ZNF280D: variants seen among roughly 807,000 people sequenced by gnomAD.
ZNF280D encodes suppressor of hairy wing homolog 4.
ZNF280D carries 39 observed loss-of-function variants against 94.7 expected under a neutral mutation model. The ratio of observed to expected loss-of-function variants is 0.41; its 90% CI spans 0.32 to 0.54. The LOEUF (loss-of-function observed/expected upper bound fraction) is 0.54. Ranked by LOEUF, ZNF280D falls within the 20% of genes least tolerant of loss-of-function variation. The pLI, the probability that ZNF280D is intolerant of heterozygous loss-of-function variation, is 0.22. For missense variants in ZNF280D, 1,090 were observed against 1,149.3 expected, an observed-to-expected ratio of 0.95 and a Z score of 0.75; for synonymous variants, 398 against 377.6, an observed-to-expected ratio of 1.05 and a Z score of -0.63.
At chr15:56,647,702 A>G (rs2052973762) in intron 19 of ZNF280D, among the ~76,000 whole-genome samples, 1 of 151,870 alleles carries the variant, frequency 6.6e-6, no homozygotes, top group African/African-American at 2.4e-5. Flanking sequence ...GCTAATTTTT[A>G]TACTTTTTTG....
intron 20 of ZNF280D, among the ~76,000 whole-genome samples, chr15:56,638,641 C>T (rs2052467278): frequency 2.0e-5 from 3 of 152,088 alleles, no homozygotes; most frequent in Admixed American, 6.6e-5. Flanking sequence ...TTCTTTCTCA[C>T]TAAATTTCTG....
At chr15:56,639,289 T>TAA (rs566066702) in intron 20 of ZNF280D, among the ~76,000 whole-genome samples, 4 of 132,252 alleles carry the variant, frequency 3.0e-5, no homozygotes, top group Admixed American at 7.4e-5. Context: ...TTAAATGAGC[T>TAA]AAAAAAAAAA....
At chr15:56,649,986 G>C (rs2053115299) in intron 19 of ZNF280D, among the ~76,000 whole-genome samples, 1 of 151,828 alleles carries the variant, frequency 6.6e-6, no homozygotes, top group Admixed American at 6.6e-5. Context: ...TTCTGATACA[G>C]CATTTCACAA....
At chr15:56,653,961 A>C in intron 19 of ZNF280D, 1 of 1,389,572 alleles carries the variant, frequency 7.2e-7, no homozygotes, top group Non-Finnish European at 9.3e-7. Flanking sequence ...TTGGCTGCTC[A>C]ACTGCCTTTG....
intron 19 of ZNF280D, among the ~76,000 whole-genome samples, chr15:56,648,056 T>C (rs1482878581): frequency 2.0e-5 from 3 of 152,234 alleles, no homozygotes; most frequent in Non-Finnish European, 2.9e-5. Context: ...CATTAAGCAA[T>C]AGAAGGAGGA....
At chr15:56,731,275 G>A (rs544491844) in intron 1 of ZNF280D, among the ~76,000 whole-genome samples, 26 of 152,110 alleles carry the variant, frequency 1.7e-4, no homozygotes, top group Non-Finnish European at 3.2e-4. Flanking sequence ...GGCCGAGGCA[G>A]GTGGATCACT....
At chr15:56,726,012 C>G (rs1426537982) in intron 1 of ZNF280D, among the ~76,000 whole-genome samples, 2 of 151,846 alleles carry the variant, frequency 1.3e-5, no homozygotes, top group African/African-American at 4.8e-5. Context: ...AGCAAAAAGC[C>G]TAAATACAAC....
rs1351391737 is a variant in ZNF280D, at chr15:56,630,236, T to A, written c.*1262A>T. ...TCAAAAACTACTATATACAGCAGAG[T>A]ATTTTAATCGCCATTTAAAACATTG... is the stretch of plus-strand genomic sequence containing the variant. On this transcript the variant is annotated 3_prime_UTR_variant, in exon 22 of 22. Coordinates refer to ENST00000267807, the MANE Select transcript of ZNF280D (RefSeq NM_017661.4). The A allele has an allele frequency of 1.3e-5, 2 of 152,124 alleles. No individual in the cohort carries two copies. The highest frequency in any genetic ancestry group is 4.8e-5 in the African/African-American group (2 of 41,448). 9.4% of individuals were successfully genotyped at this position (152,124 alleles called of 1,614,324 possible).
chr15:56,696,611 T>C (rs1435349892), intron 6 of ZNF280D, among the ~76,000 whole-genome samples: 1 of 152,064 alleles, frequency 6.6e-6, no homozygotes, highest in Non-Finnish European at 1.5e-5. Context: ...CCACATTCCA[T>C]GAAAAAGTAA....
intron 1 of ZNF280D, among the ~76,000 whole-genome samples, chr15:56,712,239 T>C (rs1478620770): frequency 6.6e-6 from 1 of 152,166 alleles, no homozygotes; most frequent in Admixed American, 6.5e-5. Context: ...CATAACACAC[T>C]GTTAAATTAC....
intron 21 of ZNF280D, 83 bp from the exon 22 acceptor site, chr15:56,632,205 A>C: frequency 7.8e-7 from 1 of 1,277,306 alleles, no homozygotes; most frequent in Non-Finnish European, 1.0e-6. Context: ...TGTTCTAAAA[A>C]ATAAAAAGTC....
chr15:56,666,361 T>C, intron 16 of ZNF280D, 34 bp downstream of exon 16: 1 of 1,593,534 alleles, frequency 6.3e-7, no homozygotes, highest in Non-Finnish European at 8.5e-7. Context: ...AACTATAATT[T>C]TAATTGGCAA....
chr15:56,683,661 G>C (rs1392024029), intron 9 of ZNF280D, among the ~76,000 whole-genome samples: 2 of 152,084 alleles, frequency 1.3e-5, no homozygotes, highest in African/African-American at 4.8e-5. Flanking sequence ...TAAAAATTTA[G>C]GTGGGTTTTT....
At chr15:56,728,843 A>G (rs1430075837) in intron 1 of ZNF280D, among the ~76,000 whole-genome samples, 2 of 152,222 alleles carry the variant, frequency 1.3e-5, no homozygotes, top group Non-Finnish European at 2.9e-5. Flanking sequence ...ACACTTTATT[A>G]TTAAAAAATA....
chr15:56,670,236 G>C (rs1409183836), intron 13 of ZNF280D, among the ~76,000 whole-genome samples: 3 of 149,402 alleles, frequency 2.0e-5, no homozygotes, highest in African/African-American at 7.4e-5. Flanking sequence ...ACATGTGCAG[G>C]ATGTGCAGGT....
At chr15:56,700,366 G>T in intron 6 of ZNF280D, 1 of 477,262 alleles carries the variant, frequency 2.1e-6, no homozygotes, top group Non-Finnish European at 2.7e-6. Flanking sequence ...TCATGGGGAT[G>T]TTTAAGAACT....
intron 1 of ZNF280D, among the ~76,000 whole-genome samples, chr15:56,709,245 G>A (rs1280051662): frequency 1.3e-5 from 2 of 152,174 alleles, no homozygotes; most frequent in Non-Finnish European, 2.9e-5. Flanking sequence ...GCAGCCAACA[G>A]ACACATGAAA....
At chr15:56,701,405 T>G (rs184907173) in intron 4 of ZNF280D, among the ~76,000 whole-genome samples, 167 bp from the exon 5 acceptor site, 1,775 of 152,100 alleles carry the variant, frequency 0.012, 18 homozygotes, top group Middle Eastern at 0.031. Flanking sequence ...CTTTACCTAC[T>G]AAAGAAACAA....
chr15:56,723,351 A>C (rs1371595259), intron 1 of ZNF280D, among the ~76,000 whole-genome samples: 6 of 152,202 alleles, frequency 3.9e-5, no homozygotes, highest in Non-Finnish European at 8.8e-5. Flanking sequence ...GAAACTTTGA[A>C]AGTGAAAGAA....
Sources: gnomAD v4.1 joint callset for allele counts (sites outside exome capture counted in the v4.1 genomes callset) on GRCh38, gnomAD v4.1.1 for gene constraint, MANE v1.5 for transcripts, NCBI Gene and HGNC (gene_info 2026-07-23, HGNC 2026-07-21) for gene names.